The following SLC6A20 variants were observed in gnomAD, a reference collection of about 807,000 sequenced individuals.
SLC6A20 encodes the protein sodium- and chloride-dependent transporter XTRP3.
A neutral mutation model predicts 64.3 loss-of-function variants in SLC6A20; 73 were observed. That is an observed-to-expected ratio of 1.14 (90% CI 0.94 to 1.38). The LOEUF (loss-of-function observed/expected upper bound fraction) is 1.38. Among genes scored for constraint, SLC6A20 ranks in the 40% most tolerant of loss-of-function variants. The probability of loss-of-function intolerance (pLI) is 0.00; values close to 1 mark genes in which losing one functional copy is unlikely to be tolerated. For missense variants in SLC6A20, 725 were observed against 772.8 expected (o/e 0.94, Z 0.73); for synonymous variants, 347 against 329.6 (o/e 1.05, Z -0.57).
chr3:45,769,379 C>G (rs1699823263), intron 7 of SLC6A20, among the ~76,000 whole-genome samples: 1 of 150,982 alleles, frequency 6.6e-6, no homozygotes. Flanking sequence ...ACTTATCAAA[C>G]TGATCCTCAA....
At chr3:45,771,153 C>G in intron 6 of SLC6A20, 64 bp downstream of exon 6, 1 of 1,605,500 alleles carries the variant, frequency 6.2e-7, no homozygotes. Context: ...CAGCCCTTGC[C>G]CAGGCGACCC....
chr3:45,778,209 C>T (rs2742396), intron 3 of SLC6A20, among the ~76,000 whole-genome samples: 50,657 of 152,016 alleles, frequency 0.33, 8,734 homozygotes, highest in East Asian at 0.62. Flanking sequence ...GCACAGACTC[C>T]GGGGCCAGGT....
At chr3:45,793,888 A>G (rs1055491812) in intron 1 of SLC6A20, among the ~76,000 whole-genome samples, 30 of 152,192 alleles carry the variant, frequency 2.0e-4, no homozygotes, top group African/African-American at 6.8e-4. Context: ...TTTACTGTGC[A>G]GTGAAAGGCT....
At chr3:45,777,922 G>C (rs1044258215) in intron 3 of SLC6A20, among the ~76,000 whole-genome samples, 2 of 152,150 alleles carry the variant, frequency 1.3e-5, no homozygotes, top group South Asian at 2.1e-4. Flanking sequence ...CATCTGTTTG[G>C]GATAGGGCCT....
chr3:45,787,733 C>T (rs1700193562), intron 1 of SLC6A20, among the ~76,000 whole-genome samples: 1 of 152,162 alleles, frequency 6.6e-6, no homozygotes, highest in Admixed American at 6.5e-5. Flanking sequence ...TCCACACCTC[C>T]AACTCCTAAA....
intron 7 of SLC6A20, among the ~76,000 whole-genome samples, chr3:45,766,105 G>C (rs1008185431): frequency 3.9e-5 from 6 of 152,228 alleles, no homozygotes; most frequent in Non-Finnish European, 1.5e-5. Context: ...GACCTGAGGA[G>C]GGAGGGCGGG....
At chr3:45,781,208 G>A (rs1279946211) in intron 2 of SLC6A20, among the ~76,000 whole-genome samples, 11 of 142,288 alleles carry the variant, frequency 7.7e-5, no homozygotes, top group Middle Eastern at 3.6e-3. Context: ...CAATAAGAGC[G>A]AAACTCCGCC....
intron 3 of SLC6A20, among the ~76,000 whole-genome samples, chr3:45,777,566 C>T (rs1356846511): frequency 2.0e-5 from 3 of 152,224 alleles, no homozygotes; most frequent in African/African-American, 4.8e-5. Flanking sequence ...CTTCAGAACC[C>T]TGTAGCTAGC....
Position 45,758,632 on chromosome 3 carries a change from A to C in SLC6A20, c.*346T>G. ...GGTGTCTCTTCAGCCAAAAACAAAA[A>C]TTGCTTAAATTTGGTCCCATAAGAA... On this transcript the variant is annotated 3_prime_UTR_variant, in exon 11 of 11. Transcript: ENST00000358525. 2 of 1,121,042 alleles carry C rather than the reference A, an allele frequency of 1.8e-6. No individual in the cohort carries two copies. The highest frequency in any genetic ancestry group is 1.1e-6 in the Non-Finnish European group (1 of 912,012). 69.4% of individuals were successfully genotyped at this position (1,121,042 alleles called of 1,614,324 possible). A position where few individuals can be genotyped will look rare whatever the true frequency, so the allele number is the denominator to read the frequency against.
In SLC6A20 at chr3:45,770,220, C is replaced by G; in HGVS notation, c.1087G>C (p.Glu363Gln). Residue 363 changes from glutamate (E) to glutamine (Q), a missense_variant, in exon 7 of 11, where the codon GAG (glutamate) becomes CAG (glutamine). By Grantham distance (29) the Glu-to-Gln change is conservative. Coordinates refer to ENST00000358525, the MANE Select transcript of SLC6A20 (RefSeq NM_020208.4). ...CCTGGGCATCTTACCGTGTCTAGCT[C>G]CGATTCCAAGCTGCAGTTTTTGATT... is the stretch of plus-strand genomic sequence containing the variant. ...PQIKNCSLES[E>Q]LDTAVQGTGL... is the part of the protein sequence containing the mutation. 6.2e-7 allele frequency: 1 copy of G among 1,614,224 alleles called. No individual in the cohort carries two copies. Among genetic ancestry groups the G allele is most frequent in the Middle Eastern group, 1.6e-4 (1 of 6,062 alleles).
intron 1 of SLC6A20, among the ~76,000 whole-genome samples, 162 bp from the exon 2 acceptor site, chr3:45,782,385 T>C (rs1700108128): frequency 6.6e-6 from 1 of 152,006 alleles, no homozygotes; most frequent in Admixed American, 6.6e-5. Context: ...TCATCCTTCA[T>C]CCTTCTTTCA....
At position 45,765,971 on chromosome 3, in the gene SLC6A20, C is replaced by T. The variant is rs1283156068; in HGVS notation, c.1099-230G>A. Among the ~76,000 whole-genome samples, 1 of 152,234 alleles carries T rather than the reference C, an allele frequency of 6.6e-6. No individual in the cohort carries two copies. The highest frequency in any genetic ancestry group is 1.9e-4 in the East Asian group (1 of 5,196). ...CACGTGAGAACTTGTAGCCAGCCTG[C>T]AACACTGAGTTCCCCTCTCCTGCCC... On this transcript the variant is annotated intron_variant, in intron 7 of 10. Transcript: ENST00000358525. The surrounding 1 kb of genome is among the most constrained non-coding windows in gnomAD (Gnocchi z 4.2).
rs531845833 is a variant in SLC6A20, at chr3:45,785,769, G to C, written c.122-3546C>G. 7.2e-4 allele frequency among the ~76,000 whole-genome samples: 109 copies of C among 152,314 alleles called. 1 individual carries two copies. Among genetic ancestry groups the C allele is most frequent in the Non-Finnish European group, 1.4e-3 (92 of 68,026 alleles). On this transcript the variant is annotated intron_variant, in intron 1 of 10. Coordinates refer to ENST00000358525, the MANE Select transcript of SLC6A20 (RefSeq NM_020208.4). ...TTCTTCAGCGCTCCTCCCCTGAAGAGGTGGAGTCTATTCCCCACACTGTGA... is the reference window on the plus strand; with the variant it reads ...TTCTTCAGCGCTCCTCCCCTGAAGACGTGGAGTCTATTCCCCACACTGTGA...
intron 4 of SLC6A20, among the ~76,000 whole-genome samples, chr3:45,773,732 C>T (rs1304188686): frequency 2.0e-5 from 3 of 152,184 alleles, no homozygotes; most frequent in African/African-American, 7.2e-5. Flanking sequence ...ATCATCTTCT[C>T]ATCCATTTCC....
rs1380143674 is a variant in SLC6A20 at position 45,782,070 on chromosome 3, G to T, written c.262+13C>A. ...GTCTCTGGGTGGGAGAGGACTGGAG[G>T]GGCCCCACGTACCGACACCACTGAG... On this transcript the variant is annotated intron_variant, in intron 2 of 10. Transcript: ENST00000358525. 1.3e-6 allele frequency: 2 copies of T among 1,593,026 alleles called. No homozygotes were observed. Among genetic ancestry groups the T allele is most frequent in the South Asian group, 1.1e-5 (1 of 87,502 alleles).
In SLC6A20 at chr3:45,796,524, G is replaced by A; in HGVS notation, c.-105C>T. On this transcript the variant is annotated 5_prime_UTR_variant, in exon 1 of 11. Transcript: ENST00000358525. Reference sequence around the variant, plus strand: ...CCCACCCCGGCTCGGCTTGGGGGTGGCCCCGCGCCTCCGCCGCCGACGCAG... The same window carrying A: ...CCCACCCCGGCTCGGCTTGGGGGTGACCCCGCGCCTCCGCCGCCGACGCAG... 2.5e-6 allele frequency: 3 copies of A among 1,181,828 alleles called. No homozygotes were observed. The highest frequency in any genetic ancestry group is 3.3e-6 in the Non-Finnish European group (3 of 906,532). The allele number at this position is 1,181,828 out of a possible 1,614,324, so 73.2% of individuals were successfully genotyped here. A position where few individuals can be genotyped will look rare whatever the true frequency, so the allele number is the denominator to read the frequency against.
intron 1 of SLC6A20, among the ~76,000 whole-genome samples, chr3:45,786,320 A>G (rs1700168954): frequency 6.6e-6 from 1 of 152,226 alleles, no homozygotes; most frequent in Non-Finnish European, 1.5e-5. Flanking sequence ...CTAGCTCACA[A>G]GCCCACAAGG....
At chr3:45,796,210 G>A (rs1700342869) in intron 1 of SLC6A20, 89 bp downstream of exon 1, 87 of 1,522,484 alleles carry the variant, frequency 5.7e-5, no homozygotes, top group Non-Finnish European at 7.6e-5. Flanking sequence ...TCAGTGTGCC[G>A]TTCTGTAACT....
chr3:45,773,491 A>G (rs7627998), intron 4 of SLC6A20, among the ~76,000 whole-genome samples: 14 of 152,356 alleles, frequency 9.2e-5, no homozygotes, highest in African/African-American at 2.9e-4. Context: ...AAAGCCATAG[A>G]ATACAGACCT....
Sources: allele counts gnomAD v4.1 joint callset (sites outside exome capture counted in the v4.1 genomes callset), GRCh38; gene constraint gnomAD v4.1.1; non-coding constraint Gnocchi (gnomAD v3.1); transcripts MANE v1.5; gene names NCBI Gene and HGNC (gene_info 2026-07-23, HGNC 2026-07-21).